NTM: variants seen among roughly 807,000 people sequenced by gnomAD.
NTM encodes the protein neurotrimin, also known as IgLON family member 2.
A neutral mutation model predicts 42.1 loss-of-function variants in NTM; 13 were observed. The ratio of observed to expected loss-of-function variants is 0.31; its 90% confidence interval spans 0.20 to 0.49. The LOEUF (loss-of-function observed/expected upper bound fraction) is 0.49. Among genes scored for constraint, NTM ranks in the 20% least tolerant of loss-of-function variants. The pLI is 0.99. For synonymous variants in NTM, 187 were observed against 179.2 expected (o/e 1.04, Z -0.35); for missense variants, 373 against 452.8 (o/e 0.82, Z 1.60).
At chr11:132,073,735 G>C (rs1407779401) in intron 2 of NTM, among the ~76,000 whole-genome samples, 2 of 152,114 alleles carry the variant, frequency 1.3e-5, no homozygotes, top group Non-Finnish European at 2.9e-5. Context: ...TGCATTCGGA[G>C]GTCAGAGTAA....
At chr11:131,667,880 G>A (rs1320562310) in intron 1 of NTM, among the ~76,000 whole-genome samples, 1 of 152,154 alleles carries the variant, frequency 6.6e-6, no homozygotes, top group Non-Finnish European at 1.5e-5. Flanking sequence ...CCCACTGCCT[G>A]GAGACACCCT....
intron 4 of NTM, among the ~76,000 whole-genome samples, chr11:132,264,244 G>T (rs978069368): frequency 1.3e-5 from 2 of 152,132 alleles, no homozygotes; most frequent in African/African-American, 4.8e-5. Flanking sequence ...AGTTACTAGG[G>T]AAGCTATTGT....
At chr11:131,944,815 A>G (rs2060176334) in intron 2 of NTM, among the ~76,000 whole-genome samples, 1 of 152,188 alleles carries the variant, frequency 6.6e-6, no homozygotes, top group Non-Finnish European at 1.5e-5. Flanking sequence ...GTATCATGCC[A>G]CGGCATCACC....
rs573881653 is a variant in NTM at position 131,442,282 on chromosome 11, A to G, written c.82+71394A>G. 6.8e-4 allele frequency among the ~76,000 whole-genome samples: 103 copies of G among 152,254 alleles called. No homozygotes were observed. The Middle Eastern group carries it at 0.01, about 15-fold the overall frequency. On this transcript the variant is annotated intron_variant, in intron 1 of 8. Transcript: ENST00000683400. ...TGGTTGAGACTGAGACTCACATTTT[A>G]TTATAGCAATTGTGTGATCCATCTA...
At chr11:131,899,666 G>A (rs1041182793) in intron 1 of NTM, among the ~76,000 whole-genome samples, 1 of 152,158 alleles carries the variant, frequency 6.6e-6, no homozygotes, top group East Asian at 1.9e-4. Context: ...TATATCACAC[G>A]TTAATTTATT....
chr11:131,615,377 T>A (rs953661457), intron 1 of NTM, among the ~76,000 whole-genome samples: 3 of 152,142 alleles, frequency 2.0e-5, no homozygotes, highest in Non-Finnish European at 4.4e-5. Flanking sequence ...CTCATTTTTT[T>A]TTATTTAGAC....
intron 4 of NTM, among the ~76,000 whole-genome samples, chr11:132,275,701 TGTATATATATATGTATATATATAC>T (rs1229148092): frequency 2.4e-4 from 28 of 115,566 alleles, no homozygotes; most frequent in Non-Finnish European, 2.0e-4. Context: ...TATATATATA[TGTATATATATATGTATATATATAC>T]GTATATATAC....
chr11:132,048,432 G>T (rs1223468390), intron 2 of NTM, among the ~76,000 whole-genome samples: 1 of 152,204 alleles, frequency 6.6e-6, no homozygotes, highest in Non-Finnish European at 1.5e-5. Context: ...AGAGGGGCCA[G>T]TACTTCCTGG....
chr11:131,563,544 C>CTTGCTTTCTA (rs2056493385), intron 1 of NTM, among the ~76,000 whole-genome samples: 1 of 139,616 alleles, frequency 7.2e-6, no homozygotes, highest in Non-Finnish European at 1.5e-5. Flanking sequence ...CTTAGCTGAA[C>CTTGCTTTCTA]TTGCTTTCTA....
intron 1 of NTM, among the ~76,000 whole-genome samples, chr11:131,454,182 C>G (rs1950693106): frequency 3.6e-3 from 1 of 278 alleles, no homozygotes; most frequent in South Asian, 0.071. Flanking sequence ...TTATTACAGA[C>G]TATGTTATAA....
intron 2 of NTM, among the ~76,000 whole-genome samples, chr11:132,064,782 G>A (rs2081191903): frequency 6.6e-6 from 1 of 152,138 alleles, no homozygotes; most frequent in Admixed American, 6.5e-5. Context: ...TTTCCATAGG[G>A]GAGGCAGTGT....
chr11:131,383,165 C>A (rs1267239095), intron 1 of NTM, among the ~76,000 whole-genome samples: 2 of 152,196 alleles, frequency 1.3e-5, no homozygotes, highest in African/African-American at 4.8e-5. Flanking sequence ...CATGACATCT[C>A]CACATCATTG....
At chr11:132,257,511 G>A (rs2092574377) in intron 4 of NTM, among the ~76,000 whole-genome samples, 2 of 152,196 alleles carry the variant, frequency 1.3e-5, no homozygotes, top group Admixed American at 6.5e-5. Flanking sequence ...GGGACAGAGG[G>A]AAATGCAGGC....
intron 2 of NTM, among the ~76,000 whole-genome samples, chr11:132,075,322 C>T (rs2058220493): frequency 6.6e-6 from 1 of 152,084 alleles, no homozygotes; most frequent in Non-Finnish European, 1.5e-5. Flanking sequence ...GGTAAGTGTT[C>T]TTGCTGCTAT....
chr11:131,639,974 TAAATAATAAAATA>T (rs2064927342), intron 1 of NTM, among the ~76,000 whole-genome samples: 1 of 141,700 alleles, frequency 7.1e-6, no homozygotes. Context: ...AAAATAAAAA[TAAATAATAAAATA>T]AAAATAAATA....
intron 2 of NTM, among the ~76,000 whole-genome samples, chr11:131,988,443 C>G (rs866333562): frequency 2.6e-5 from 4 of 152,202 alleles, no homozygotes; most frequent in Non-Finnish European, 4.4e-5. Context: ...CTGCATTGCT[C>G]TCTCTCCTTT....
intron 2 of NTM, among the ~76,000 whole-genome samples, chr11:132,023,771 TTTGTTGTTGTTGGTGGTTTTG>T (rs1336226601): frequency 9.3e-5 from 9 of 96,700 alleles, no homozygotes; most frequent in Admixed American, 3.4e-4. Context: ...TGGTGGTGGT[TTTGTTGTTGTTGGTGGTTTTG>T]TTGTTGGTGG....
intron 1 of NTM, among the ~76,000 whole-genome samples, chr11:131,383,519 A>C (rs1166156066): frequency 1.3e-5 from 2 of 152,208 alleles, no homozygotes; most frequent in African/African-American, 4.8e-5. Context: ...AAGAAATTGC[A>C]TATGCTAACG....
rs186759434 is a variant in NTM at position 131,582,715 on chromosome 11, C to T, written c.82+211827C>T. On this transcript the variant is annotated intron_variant, in intron 1 of 8. Coordinates refer to ENST00000683400, the MANE Select transcript of NTM (RefSeq NM_001352005.2). Reference sequence around the variant, plus strand: ...CACGCAATACTTAACAAAGTTAATGCTCAATAATTGTCAATGTCACATTCC... The same window carrying T: ...CACGCAATACTTAACAAAGTTAATGTTCAATAATTGTCAATGTCACATTCC... Among the ~76,000 whole-genome samples, 467 of 152,284 alleles carry T rather than the reference C, an allele frequency of 3.1e-3. 2 individuals carry two copies. The highest frequency in any genetic ancestry group is 0.01 in the African/African-American group (432 of 41,550).
Sources: allele counts gnomAD v4.1 joint callset (sites outside exome capture counted in the v4.1 genomes callset), GRCh38; gene constraint gnomAD v4.1.1; transcripts MANE v1.5; gene names NCBI Gene and HGNC (gene_info 2026-07-23, HGNC 2026-07-21).